Variants in COL4A1 observed in about 807,000 individuals in gnomAD.
COL4A1 encodes the protein collagen type IV alpha 1 chain, also known as collagen alpha-1(IV) chain.
COL4A1 carries 40 observed loss-of-function variants against 216.6 expected under a neutral mutation model. The observed-to-expected ratio is 0.18, with a 90% CI of 0.14 to 0.24. The LOEUF is 0.24. Among genes scored for constraint, COL4A1 ranks in the 10% least tolerant of loss-of-function variants. COL4A1 has a pLI of 1.00. For missense variants in COL4A1, 1,628 were observed against 2,196.8 expected, an observed-to-expected ratio of 0.74 and a Z score of 5.18; for synonymous variants, 839 against 810.7, an observed-to-expected ratio of 1.03 and a Z score of -0.59.
chr13:110,177,278 C>T (rs1344244219), intron 33 of COL4A1, among the ~76,000 whole-genome samples: 3 of 152,222 alleles, frequency 2.0e-5, no homozygotes, highest in Non-Finnish European at 2.9e-5. Context: ...CTGCATGTGA[C>T]TTGGCTTTCA....
chr13:110,277,166 C>T (rs1473905764), intron 1 of COL4A1, among the ~76,000 whole-genome samples: 2 of 152,132 alleles, frequency 1.3e-5, no homozygotes, highest in East Asian at 1.9e-4. Context: ...TTTATCAATA[C>T]GGTCCTCTGT....
At chr13:110,153,406 A>G (rs1876606940) in intron 50 of COL4A1, among the ~76,000 whole-genome samples, 1 of 152,212 alleles carries the variant, frequency 6.6e-6, no homozygotes, top group Non-Finnish European at 1.5e-5. Flanking sequence ...CCTGATTTAG[A>G]CAAATTATGG....
intron 1 of COL4A1, among the ~76,000 whole-genome samples, chr13:110,280,244 G>C (rs2139299282): frequency 6.6e-6 from 1 of 152,326 alleles, no homozygotes; most frequent in South Asian, 2.1e-4. Flanking sequence ...TCCTTAGTTT[G>C]CTGCGTGTTT....
chr13:110,199,891 G>A (rs1353490059), intron 20 of COL4A1, among the ~76,000 whole-genome samples: 6 of 152,192 alleles, frequency 3.9e-5, no homozygotes, highest in Admixed American at 3.3e-4. Context: ...CAAAAGGGAT[G>A]CTTTTAAGGG....
Position 110,208,846 on chromosome 13 carries a change from C to T in COL4A1, c.693+3G>A. 1 of 1,614,202 alleles carries T rather than the reference C, an allele frequency of 6.2e-7. No individual in the cohort carries two copies. On this transcript the variant is annotated splice_donor_region_variant and intron_variant, in intron 12 of 51. Transcript: ENST00000375820. The stretch of plus-strand genomic sequence containing the variant: ...AAAGCACTCCAGAGCAATATGCACT[C>T]ACCTTGTCACCTTTTGGTCCTTGAA...
At chr13:110,170,454 C>T in intron 42 of COL4A1, 93 bp downstream of exon 42, 1 of 1,363,290 alleles carries the variant, frequency 7.3e-7, no homozygotes, top group Admixed American at 2.0e-5. Flanking sequence ...AATAAAAAAG[C>T]CCAATTGAGA....
chr13:110,187,567 A>G (rs1878456961), intron 24 of COL4A1, among the ~76,000 whole-genome samples: 1 of 152,106 alleles, frequency 6.6e-6, no homozygotes, highest in African/African-American at 2.4e-5. Context: ...TCAAGCAAAG[A>G]CCTGGATGGG....
At chr13:110,178,257 C>G in intron 31 of COL4A1, 26 bp from the exon 32 acceptor site, 1 of 1,613,018 alleles carries the variant, frequency 6.2e-7, no homozygotes, top group Non-Finnish European at 8.5e-7. Flanking sequence ...ACACAAATAA[C>G]TTTTAGCAGA....
chr13:110,270,757 T>C (rs1883215677), intron 1 of COL4A1, among the ~76,000 whole-genome samples: 1 of 152,222 alleles, frequency 6.6e-6, no homozygotes, highest in Non-Finnish European at 1.5e-5. Flanking sequence ...ACAGCGACCA[T>C]TTACTGCGTC....
At chr13:110,182,612 C>T (rs1365803937) in intron 28 of COL4A1, among the ~76,000 whole-genome samples, 2 of 152,216 alleles carry the variant, frequency 1.3e-5, no homozygotes, top group Non-Finnish European at 2.9e-5. Flanking sequence ...GCAAAGGCCC[C>T]TCCCTGCGAC....
chr13:110,201,449 G>A lies in COL4A1; in HGVS notation c.1073C>T (p.Pro358Leu). The A allele has an allele frequency of 6.2e-7, 1 of 1,613,988 alleles. No homozygotes were observed. ...GGCAAGAAAGCTACCTTTTGGGCCTGGCTCTCCTCTTGGCCCCGGAGTTCC... is the reference window on the plus strand; with the variant it reads ...GGCAAGAAAGCTACCTTTTGGGCCTAGCTCTCCTCTTGGCCCCGGAGTTCC... ...YPGTPGPRGEPGPKGFPGLPG... is the reference protein window; with the variant it reads ...YPGTPGPRGELGPKGFPGLPG... The change falls in exon 19 of 52, where the codon CCA (proline) becomes CTA (leucine). Residue 358 changes from proline to leucine, a missense_variant. Around this residue, in one of 8 missense-constraint regions of COL4A1, gnomAD observed 701 missense variants for 892.5 expected, o/e 0.79. Transcript: ENST00000375820.
intron 1 of COL4A1, among the ~76,000 whole-genome samples, chr13:110,274,420 C>G (rs1386178819): frequency 1.3e-5 from 2 of 152,176 alleles, no homozygotes; most frequent in Non-Finnish European, 2.9e-5. Flanking sequence ...GTGATCAAAT[C>G]AAAGCACACA....
intron 1 of COL4A1, among the ~76,000 whole-genome samples, chr13:110,244,405 A>G (rs1403855204): frequency 1.3e-5 from 2 of 152,054 alleles, no homozygotes; most frequent in Admixed American, 6.5e-5. Context: ...TTCAGCCTAC[A>G]CTCTCATAAC....
intron 45 of COL4A1, among the ~76,000 whole-genome samples, chr13:110,165,490 C>T (rs1280784987): frequency 2.0e-5 from 3 of 152,088 alleles, no homozygotes; most frequent in Admixed American, 6.5e-5. Context: ...AAGAACCACA[C>T]AAAGTGCGAG....
At chr13:110,255,216 C>T (rs1055226859) in intron 1 of COL4A1, among the ~76,000 whole-genome samples, 2 of 152,186 alleles carry the variant, frequency 1.3e-5, no homozygotes, top group African/African-American at 4.8e-5. Context: ...TGTTTTCCAC[C>T]TCATTTTCTA....
chr13:110,179,126 C>G (rs909809277), intron 30 of COL4A1, 90 bp from the exon 31 acceptor site: 202 of 1,531,468 alleles, frequency 1.3e-4, no homozygotes, highest in Non-Finnish European at 1.8e-4. Context: ...GCCCCAGCAA[C>G]GGAAAGCCAC....
chr13:110,179,346 T>G lies in COL4A1; in HGVS notation c.2269A>C (p.Lys757Gln), dbSNP rs761859374. Residue 757 changes from lysine to glutamine, a missense_variant, in exon 30 of 52, where the codon AAG becomes CAG. Lys to Gln is a moderately conservative substitution (Grantham distance 53). Coordinates refer to ENST00000375820, the MANE Select transcript of COL4A1 (RefSeq NM_001845.6). ...ACGCCTGGTACCCCAATGCTCCCCT[T>G]CTCCCCGGGTGTGCCAGGAATGCCG... ...LPGIPGTPGE[K>Q]GSIGVPGVPG... The G allele has an allele frequency of 6.2e-7, 1 of 1,613,968 alleles. No homozygotes were observed. The highest frequency in any genetic ancestry group is 8.5e-7 in the Non-Finnish European group (1 of 1,180,008).
chr13:110,211,038 G>A lies in COL4A1; in HGVS notation c.468+609C>T, dbSNP rs1291638712. On this transcript the variant is annotated intron_variant, in intron 8 of 51. Transcript: ENST00000375820. This position sits in a 1 kb window ranked among gnomAD's most constrained non-coding sequence, Gnocchi z 4.3. ...TGTCTCTGGAGCATGCTAACACACAGGGCTATTATGAGGATCTATTTCCTA... is the reference window on the plus strand; with the variant it reads ...TGTCTCTGGAGCATGCTAACACACAAGGCTATTATGAGGATCTATTTCCTA... Among the ~76,000 whole-genome samples, 2 of 152,110 alleles carry A rather than the reference G, an allele frequency of 1.3e-5. No individual in the cohort carries two copies. The highest frequency in any genetic ancestry group is 2.9e-5 in the Non-Finnish European group (2 of 68,024).
chr13:110,233,762 G>C (rs1881174058), intron 2 of COL4A1, among the ~76,000 whole-genome samples: 2 of 152,172 alleles, frequency 1.3e-5, no homozygotes, highest in Admixed American at 6.5e-5. Context: ...TCCCAAGTGA[G>C]CCCATCTCAT....
Sources: gnomAD v4.1 joint callset for allele counts (sites outside exome capture counted in the v4.1 genomes callset) on GRCh38, gnomAD v4.1.1 for gene constraint, gnomAD v4.1.1 regional missense constraint, Gnocchi (gnomAD v3.1) non-coding constraint, MANE v1.5 for transcripts, NCBI Gene and HGNC (gene_info 2026-07-23, HGNC 2026-07-21) for gene names.